KCNQ5: variants seen among roughly 807,000 people sequenced by gnomAD.
The protein encoded by KCNQ5 is potassium voltage-gated channel subfamily Q member 5, also known as potassium voltage-gated channel subfamily KQT member 5.
KCNQ5 carries 30 observed loss-of-function variants against 98.2 expected under a neutral mutation model. The observed-to-expected ratio is 0.31, with a 90% CI of 0.23 to 0.41. KCNQ5 has a LOEUF of 0.41. KCNQ5 is among the 10% of genes least tolerant of loss of function. The pLI is 1.00. For missense variants in KCNQ5, 835 were observed against 1,182.5 expected, an observed-to-expected ratio of 0.71 and a Z score of 4.31; for synonymous variants, 458 against 449.4, an observed-to-expected ratio of 1.02 and a Z score of -0.24.
chr6:72,845,512 T>A (rs561739136), intron 1 of KCNQ5, among the ~76,000 whole-genome samples: 31 of 152,208 alleles, frequency 2.0e-4, no homozygotes, highest in Non-Finnish European at 4.0e-4. Flanking sequence ...TATTGTTATA[T>A]GAAGGTAATG....
At chr6:72,981,309 G>A (rs1172508705) in intron 1 of KCNQ5, among the ~76,000 whole-genome samples, 3 of 152,084 alleles carry the variant, frequency 2.0e-5, no homozygotes, top group South Asian at 2.1e-4. Flanking sequence ...TGGTTGGTAG[G>A]CTATTAATTA....
chr6:73,194,300 C>T lies in KCNQ5; in HGVS notation c.1837-152C>T. ...CTGGCCCCATCATTGCTAAATGTTA[C>T]ATTCACTAAGGGTCAAGACTGCATC... On this transcript the variant is annotated intron_variant, in intron 13 of 13. Coordinates refer to ENST00000370398, the MANE Select transcript of KCNQ5 (RefSeq NM_019842.4). The T allele has an allele frequency of 8.8e-6, 6 of 680,126 alleles. No individual in the cohort carries two copies. In the South Asian group the frequency reaches 1.2e-4, roughly 14 times the overall value. The allele number at this position is 680,126 out of a possible 1,614,324, so 42.1% of individuals were successfully genotyped here. A position where few individuals can be genotyped will look rare whatever the true frequency, so the allele number is the denominator to read the frequency against.
At chr6:72,891,334 G>A (rs1419622313) in intron 1 of KCNQ5, among the ~76,000 whole-genome samples, 3 of 152,162 alleles carry the variant, frequency 2.0e-5, no homozygotes, top group Non-Finnish European at 4.4e-5. Flanking sequence ...TGTGTAAATG[G>A]TTGGATGTGT....
In KCNQ5 at chr6:73,198,139, G is replaced by A. The variant is rs551779106; in HGVS notation, c.*2725G>A. ...TGGTCAATTTTAATGATGTCTTGAAGCACAATTTAGCTGAGCACTGAGTAG... is the reference window on the plus strand; with the variant it reads ...TGGTCAATTTTAATGATGTCTTGAAACACAATTTAGCTGAGCACTGAGTAG... On this transcript the variant is annotated 3_prime_UTR_variant, in exon 14 of 14. Transcript: ENST00000370398. 7 of 152,264 alleles carry A rather than the reference G, an allele frequency of 4.6e-5. No homozygotes were observed. The South Asian group carries it at 1.5e-3, about 32-fold the overall frequency. The allele number at this position is 152,264 out of a possible 1,614,324, so 9.4% of individuals were successfully genotyped here. A position where few individuals can be genotyped will look rare whatever the true frequency, so the allele number is the denominator to read the frequency against.
intron 1 of KCNQ5, among the ~76,000 whole-genome samples, chr6:72,849,168 G>A (rs1777142904): frequency 6.6e-6 from 1 of 151,736 alleles, no homozygotes; most frequent in African/African-American, 2.4e-5. Context: ...ATGCACACCA[G>A]ATTTTCCTTA....
chr6:73,003,019 G>A lies in KCNQ5; in HGVS notation c.399-889G>A, dbSNP rs565595264. On this transcript the variant is annotated intron_variant, in intron 1 of 13. Coordinates refer to ENST00000370398, the MANE Select transcript of KCNQ5 (RefSeq NM_019842.4). ...CAGCTTACTATATGAATTTCCCAGAGAGGAACACAAGTAAAAAATATGACC... is the reference window on the plus strand; with the variant it reads ...CAGCTTACTATATGAATTTCCCAGAAAGGAACACAAGTAAAAAATATGACC... Among the ~76,000 whole-genome samples the A allele has an allele frequency of 5.3e-5, 8 of 152,198 alleles. No individual in the cohort carries two copies. In the South Asian group the frequency reaches 1.7e-3, roughly 32 times the overall value.
intron 10 of KCNQ5, among the ~76,000 whole-genome samples, chr6:73,163,469 A>G (rs555543967): frequency 6.6e-6 from 1 of 152,154 alleles, no homozygotes; most frequent in Admixed American, 6.5e-5. Context: ...TAAATAGGCC[A>G]GGCATGGTGG....
intron 1 of KCNQ5, among the ~76,000 whole-genome samples, chr6:72,811,959 G>A (rs1206530248): frequency 6.6e-6 from 1 of 152,128 alleles, no homozygotes; most frequent in East Asian, 1.9e-4. Flanking sequence ...AGATTTCTGG[G>A]GGAAAGAGGT....
chr6:73,008,334 C>T (rs1169336725), intron 2 of KCNQ5, among the ~76,000 whole-genome samples: 1 of 152,178 alleles, frequency 6.6e-6, no homozygotes, highest in Non-Finnish European at 1.5e-5. Flanking sequence ...GATAAAAATA[C>T]ATCATTCAAC....
At chr6:73,109,110 A>G (rs1450555474) in intron 6 of KCNQ5, among the ~76,000 whole-genome samples, 2 of 152,224 alleles carry the variant, frequency 1.3e-5, no homozygotes, top group Non-Finnish European at 2.9e-5. Context: ...AGGAGCCATG[A>G]TGAGACAATA....
At chr6:72,779,656 T>G (rs544771020) in intron 1 of KCNQ5, among the ~76,000 whole-genome samples, 17 of 152,202 alleles carry the variant, frequency 1.1e-4, no homozygotes, top group Middle Eastern at 3.4e-3. Context: ...ATTTTGTTTT[T>G]TGTTTTCAGA....
intron 9 of KCNQ5, among the ~76,000 whole-genome samples, chr6:73,131,248 T>A (rs954897773): frequency 2.0e-5 from 3 of 152,168 alleles, no homozygotes; most frequent in Non-Finnish European, 4.4e-5. Context: ...TTTTTAGTAA[T>A]TGAATTTTTT....
At chr6:72,833,550 T>C (rs1326035218) in intron 1 of KCNQ5, among the ~76,000 whole-genome samples, 3 of 152,196 alleles carry the variant, frequency 2.0e-5, no homozygotes, top group African/African-American at 7.2e-5. Context: ...TGGGATGACA[T>C]TTTGTAAATA....
At chr6:72,692,113 T>A (rs1768239480) in intron 1 of KCNQ5, among the ~76,000 whole-genome samples, 1 of 152,234 alleles carries the variant, frequency 6.6e-6, no homozygotes. Flanking sequence ...AAAACTTCAT[T>A]GTATCCTAGG....
rs548898193 is a variant in KCNQ5, at chr6:72,812,408, A to G, written c.398+189821A>G. Among the ~76,000 whole-genome samples the G allele has an allele frequency of 3.9e-5, 6 of 152,318 alleles. No individual in the cohort carries two copies. The East Asian group carries it at 1.2e-3, about 29-fold the overall frequency. On this transcript the variant is annotated intron_variant, in intron 1 of 13. Transcript: ENST00000370398. ...CACTCTACCTGTAGTAGGTGCTCCA[A>G]TCATGTTTATTGAATGAAATCATAT...
chr6:72,648,575 A>G (rs762487262), intron 1 of KCNQ5, among the ~76,000 whole-genome samples: 7 of 152,060 alleles, frequency 4.6e-5, no homozygotes, highest in Non-Finnish European at 1.0e-4. Flanking sequence ...ACCAGCATAC[A>G]TATGTTGTAT....
Position 73,077,840 on chromosome 6 carries a change from G to A in KCNQ5, c.871G>A (p.Ala291Thr), listed in dbSNP as rs768043126. 10 of 1,611,994 alleles carry A rather than the reference G, an allele frequency of 6.2e-6. No homozygotes were observed. Among genetic ancestry groups the A allele is most frequent in the Non-Finnish European group, 8.5e-6 (10 of 1,178,528 alleles). Residue 291 changes from alanine (A) to threonine (T), a missense_variant, in exon 5 of 14, where the codon GCC becomes ACC. Coordinates refer to ENST00000370398, the MANE Select transcript of KCNQ5 (RefSeq NM_019842.4). ...SFLVYLVEKD[A>T]NKEFSTYADA... ...CCTTGTCTATCTGGTGGAAAAGGAT[G>A]CCAATAAAGAGTTTTCTACATATGC... is the stretch of plus-strand genomic sequence containing the variant.
intron 1 of KCNQ5, among the ~76,000 whole-genome samples, chr6:72,838,512 G>A (rs958369160): frequency 2.4e-4 from 36 of 151,962 alleles, no homozygotes; most frequent in Admixed American, 1.3e-3. Flanking sequence ...TATATATTTT[G>A]TATCATATAA....
chr6:72,736,026 C>CT (rs1295054613), intron 1 of KCNQ5, among the ~76,000 whole-genome samples: 2 of 151,376 alleles, frequency 1.3e-5, no homozygotes, highest in African/African-American at 4.9e-5. Flanking sequence ...TGTTAATAGT[C>CT]TTTTTTAAGA....
Sources: gnomAD v4.1 joint callset for allele counts (sites outside exome capture counted in the v4.1 genomes callset) on GRCh38, gnomAD v4.1.1 for gene constraint, MANE v1.5 for transcripts, NCBI Gene and HGNC (gene_info 2026-07-23, HGNC 2026-07-21) for gene names.